Variants in PLXNA1 observed in about 807,000 individuals in gnomAD.
PLXNA1 encodes plexin A1, also known as plexin-A1.
PLXNA1 carries 77 observed loss-of-function variants against 191.7 expected under a neutral mutation model. That is an observed-to-expected ratio of 0.40 (90% CI 0.33 to 0.49). PLXNA1 has a LOEUF of 0.49. Among genes scored for constraint, PLXNA1 ranks in the 20% least tolerant of loss-of-function variants. The pLI is 0.63. For missense variants in PLXNA1, 2,110 were observed against 2,660.2 expected (o/e 0.79, Z 4.55); for synonymous variants, 1,137 against 1,156.4 (o/e 0.98, Z 0.34).
chr3:126,990,399 G>A (rs557559634), intron 2 of PLXNA1, among the ~76,000 whole-genome samples: 1 of 152,346 alleles, frequency 6.6e-6, no homozygotes, highest in East Asian at 1.9e-4. Context: ...GGGAGCCACA[G>A]CCCCCAGCAC....
At position 127,017,056 on chromosome 3, in the gene PLXNA1, C is replaced by A; in HGVS notation, c.3276+19C>A. On this transcript the variant is annotated intron_variant, in intron 17 of 31. Transcript: ENST00000393409. ...GGAGAACGTGAGTCCCTGCCCTCAGCTGCCCACCTCGGTCCAGGCCTTCAC... is the reference window on the plus strand; with the variant it reads ...GGAGAACGTGAGTCCCTGCCCTCAGATGCCCACCTCGGTCCAGGCCTTCAC... 1 of 1,601,662 alleles carries A rather than the reference C, an allele frequency of 6.2e-7. No homozygotes were observed. The highest frequency in any genetic ancestry group is 8.5e-7 in the Non-Finnish European group (1 of 1,170,196).
Position 127,003,351 on chromosome 3 carries a change from C to T in PLXNA1, c.1399C>T (p.Pro467Ser). 2.5e-6 allele frequency: 4 copies of T among 1,606,068 alleles called. No homozygotes were observed. The highest frequency in any genetic ancestry group is 3.4e-6 in the Non-Finnish European group (4 of 1,174,866). ...GCAGATCCTGGTGGACCTCTCAAAC[C>T]CCGGTGGCCGGCCTGCCCTGGCCTA... ...IRKILVDLSNPGGRPALAYES... is the reference protein window; with the variant it reads ...IRKILVDLSNSGGRPALAYES... Residue 467 changes from proline to serine, a missense_variant, in exon 4 of 32, where the codon CCC becomes TCC. This residue lies in a region of PLXNA1 where 903 missense variants were observed against 1,015.7 expected (regional missense o/e 0.89). Transcript: ENST00000393409.
Position 127,022,864 on chromosome 3 carries a change from C to T in PLXNA1, c.4362+46C>T, listed in dbSNP as rs750467044. 1.5e-5 allele frequency: 22 copies of T among 1,500,850 alleles called. No individual in the cohort carries two copies. In the Admixed American group the frequency reaches 2.7e-4, roughly 18 times the overall value. 93.0% of individuals were successfully genotyped at this position (1,500,850 alleles called of 1,614,324 possible). A position where few individuals can be genotyped will look rare whatever the true frequency, so the allele number is the denominator to read the frequency against. On this transcript the variant is annotated intron_variant, in intron 23 of 31. Transcript: ENST00000393409. ...GCAGGTGTCAGAGGCAGGTGAACAG[C>T]GGGAGGGGAAAACGGAGAGAGGTGG... is the stretch of plus-strand genomic sequence containing the variant.
At position 126,989,475 on chromosome 3, in the gene PLXNA1, G is replaced by A. The variant is rs144161897; in HGVS notation, c.882G>A (p.Ser294=). ...GTGTGGACGACCCCAAATTCTACTC[G>A]TACGTTGAGTTCCCCATTGGCTGCG... The part of the protein sequence containing the change: ...RLCVDDPKFY[S]YVEFPIGCEQ... Residue 294 remains serine, a synonymous_variant, in exon 2 of 32, where the codon TCG becomes TCA. Coordinates refer to ENST00000393409, the MANE Select transcript of PLXNA1 (RefSeq NM_032242.4). 146 of 1,613,684 alleles carry A rather than the reference G, an allele frequency of 9.0e-5. No homozygotes were observed. The African/African-American group carries it at 1.4e-3, about 15-fold the overall frequency.
intron 29 of PLXNA1, chr3:127,031,888 C>T (rs2079213308): frequency 1.2e-5 from 2 of 171,844 alleles, no homozygotes; most frequent in South Asian, 2.9e-4. Context: ...TGTCTGGGCT[C>T]TTCACTTCAT....
intron 23 of PLXNA1, among the ~76,000 whole-genome samples, chr3:127,025,356 G>A (rs764273912): frequency 5.3e-5 from 8 of 152,084 alleles, no homozygotes; most frequent in Non-Finnish European, 8.8e-5. Context: ...CCTTCACTTC[G>A]TAATCTATTT....
chr3:127,019,493 G>A (rs572111887), intron 20 of PLXNA1, among the ~76,000 whole-genome samples: 7 of 152,366 alleles, frequency 4.6e-5, no homozygotes, highest in South Asian at 2.1e-4. Context: ...CGAGGCTGGC[G>A]TGTGTGGATG....
intron 9 of PLXNA1, among the ~76,000 whole-genome samples, chr3:127,009,090 G>T (rs1413502677): frequency 6.6e-6 from 1 of 151,870 alleles, no homozygotes; most frequent in African/African-American, 2.4e-5. Flanking sequence ...CTCGGGCCAG[G>T]GAGAGCTGGG....
Position 127,017,587 on chromosome 3 carries a change from T to A in PLXNA1, c.3439T>A (p.Tyr1147Asn). ...GCTCAACTCCACCTCCTTCCTCTACTACCCTGACCCCGTACTGGAGCCACT... is the reference window on the plus strand; with the variant it reads ...GCTCAACTCCACCTCCTTCCTCTACAACCCTGACCCCGTACTGGAGCCACT... ...LVLNSTSFLY[Y>N]PDPVLEPLSP... is the part of the protein sequence containing the mutation. The change falls in exon 18 of 32, where the codon TAC becomes AAC. Residue 1147 changes from tyrosine (Y) to asparagine (N), a missense_variant. Coordinates refer to ENST00000393409, the MANE Select transcript of PLXNA1 (RefSeq NM_032242.4). 1 of 1,613,626 alleles carries A rather than the reference T, an allele frequency of 6.2e-7. No homozygotes were observed. The highest frequency in any genetic ancestry group is 8.5e-7 in the Non-Finnish European group (1 of 1,179,968).
intron 1 of PLXNA1, among the ~76,000 whole-genome samples, chr3:126,986,987 C>T (rs1413293329): frequency 6.6e-6 from 1 of 152,202 alleles, no homozygotes; most frequent in Non-Finnish European, 1.5e-5. Context: ...ACTCAAGACT[C>T]AGGACTCAGC....
intron 20 of PLXNA1, 83 bp from the exon 21 acceptor site, chr3:127,020,115 TTTGA>T: frequency 6.6e-7 from 1 of 1,510,220 alleles, no homozygotes; most frequent in Non-Finnish European, 9.0e-7. Context: ...AGAGCCAGGA[TTTGA>T]TGTAGGCCCC....
At chr3:127,003,856 C>G (rs1214624386) in intron 4 of PLXNA1, among the ~76,000 whole-genome samples, 2 of 152,236 alleles carry the variant, frequency 1.3e-5, no homozygotes, top group Non-Finnish European at 2.9e-5. Flanking sequence ...AGGCCTAGGG[C>G]TGGGTCTCTG....
At chr3:127,023,378 C>T (rs777893128) in intron 23 of PLXNA1, among the ~76,000 whole-genome samples, 5 of 152,196 alleles carry the variant, frequency 3.3e-5, no homozygotes, top group Non-Finnish European at 5.9e-5. Flanking sequence ...TCTGCACTTT[C>T]GATGTTGGGA....
chr3:126,999,873 A>G (rs1415617435), intron 3 of PLXNA1, among the ~76,000 whole-genome samples: 1 of 152,026 alleles, frequency 6.6e-6, no homozygotes, highest in Admixed American at 6.5e-5. Context: ...TGGCCTGGGC[A>G]CTGAGAGGCC....
intron 15 of PLXNA1, among the ~76,000 whole-genome samples, chr3:127,015,532 G>A (rs2079118654): frequency 6.6e-6 from 1 of 152,246 alleles, no homozygotes; most frequent in Non-Finnish European, 1.5e-5. Flanking sequence ...CCTTTGTGGG[G>A]CGGGGCAACT....
At chr3:126,999,079 A>C (rs1227407487) in intron 3 of PLXNA1, among the ~76,000 whole-genome samples, 1 of 151,924 alleles carries the variant, frequency 6.6e-6, no homozygotes, top group Non-Finnish European at 1.5e-5. Context: ...AGGGGTGAGG[A>C]GGGTCTGGGA....
chr3:127,012,207 G>A (rs1326748153), intron 10 of PLXNA1, 49 bp downstream of exon 10: 2 of 1,572,322 alleles, frequency 1.3e-6, no homozygotes, highest in Admixed American at 3.4e-5. Flanking sequence ...GAATGGGCCG[G>A]TTATCCTCAC....
At position 127,022,069 on chromosome 3, in the gene PLXNA1, C is replaced by T; in HGVS notation, c.4039-16C>T. On this transcript the variant is annotated splice_polypyrimidine_tract_variant and intron_variant, in intron 21 of 31. Transcript: ENST00000393409. ...TGGGTGCTTCTCTGTGGTCTGAGCT[C>T]TGTGTGCTCCCTCAGGTGCAGGCCA... is the stretch of plus-strand genomic sequence containing the variant. 6.2e-7 allele frequency: 1 copy of T among 1,607,688 alleles called. No individual in the cohort carries two copies. Among genetic ancestry groups the T allele is most frequent in the Non-Finnish European group, 8.5e-7 (1 of 1,175,976 alleles).
At chr3:127,009,550 TC>T (rs145969147) in intron 9 of PLXNA1, among the ~76,000 whole-genome samples, 2 of 139,654 alleles carry the variant, frequency 1.4e-5, no homozygotes, top group East Asian at 2.3e-4. Context: ...CCAGTGGCAG[TC>T]CCCCCCCAAC....
Sources: gnomAD v4.1 joint callset for allele counts (sites outside exome capture counted in the v4.1 genomes callset) on GRCh38, gnomAD v4.1.1 for gene constraint, gnomAD v4.1.1 regional missense constraint, MANE v1.5 for transcripts, NCBI Gene and HGNC (gene_info 2026-07-23, HGNC 2026-07-21) for gene names.